WNT16: variants seen among roughly 807,000 people sequenced by gnomAD.
The protein encoded by WNT16 is Wnt family member 16, also known as protein Wnt-16.
In WNT16, 20 loss-of-function variants were observed where a neutral mutation model predicts 35.4. That is an observed-to-expected ratio of 0.56 (90% confidence interval 0.40 to 0.82). WNT16 has a LOEUF of 0.82. WNT16 is among the 40% of genes least tolerant of loss of function. The probability of loss-of-function intolerance (pLI) is 0.00; values close to 1 mark genes in which losing one functional copy is unlikely to be tolerated. For missense variants in WNT16, 461 were observed against 466.0 expected, an observed-to-expected ratio of 0.99 and a Z score of 0.10; for synonymous variants, 180 against 179.2, an observed-to-expected ratio of 1.00 and a Z score of -0.03.
chr7:121,328,213 G>A (rs1793273898), upstream of WNT16, among the ~76,000 whole-genome samples: 1 of 152,114 alleles, frequency 6.6e-6, no homozygotes. Flanking sequence ...AGAAGGGCAG[G>A]GACCCTCCCA....
Position 121,331,777 on chromosome 7 carries a change from G to C in WNT16, c.446G>C (p.Cys149Ser), listed in dbSNP as rs1480252593. 6.2e-7 allele frequency: 1 copy of C among 1,614,218 alleles called. No individual in the cohort carries two copies. The highest frequency in any genetic ancestry group is 2.2e-5 in the East Asian group (1 of 44,890). ...CSAGNMTECS[C>S]DTTLQNGGSA... Reference sequence around the variant, plus strand: ...GCAGGCAACATGACAGAGTGTTCCTGTGACACCACCTTGCAGAACGGCGGC... The same window carrying C: ...GCAGGCAACATGACAGAGTGTTCCTCTGACACCACCTTGCAGAACGGCGGC... Residue 149 changes from cysteine to serine, a missense_variant, in exon 3 of 4, where the codon TGT (cysteine) becomes TCT (serine). Physicochemically the swap from Cys to Ser is moderately radical, Grantham distance 112 (BLOSUM62 -1). Coordinates refer to ENST00000222462, the MANE Select transcript of WNT16 (RefSeq NM_057168.2).
intron 3 of WNT16, among the ~76,000 whole-genome samples, chr7:121,335,845 T>A (rs1366190315): frequency 6.6e-6 from 1 of 152,142 alleles, no homozygotes; most frequent in Non-Finnish European, 1.5e-5. Context: ...ACTTTATTTT[T>A]CTGTAAAATT....
chr7:121,328,523 G>A (rs1440576833), upstream of WNT16, among the ~76,000 whole-genome samples: 1 of 152,186 alleles, frequency 6.6e-6, no homozygotes. Context: ...TCTCCTGACA[G>A]TGGGACCTCA....
intron 3 of WNT16, among the ~76,000 whole-genome samples, chr7:121,336,414 A>T (rs1413979853): frequency 6.6e-6 from 1 of 152,128 alleles, no homozygotes; most frequent in Non-Finnish European, 1.5e-5. Context: ...AATTCCATGT[A>T]TGTATTCAAA....
At chr7:121,336,019 T>TGC (rs1166154287) in intron 3 of WNT16, among the ~76,000 whole-genome samples, 4 of 151,510 alleles carry the variant, frequency 2.6e-5, no homozygotes, top group Non-Finnish European at 5.9e-5. Flanking sequence ...TGTGTGTGTG[T>TGC]GTGTGTGTGT....
upstream of WNT16, among the ~76,000 whole-genome samples, chr7:121,328,620 G>A (rs117483380): frequency 2.7e-3 from 413 of 152,250 alleles, 6 homozygotes; most frequent in East Asian, 0.058. Context: ...AAGAAAAAAA[G>A]GTCAGTGACA....
chr7:121,329,527 T>C (rs1228481520), intron 1 of WNT16, 40 bp from the exon 2 acceptor site: 4 of 1,607,214 alleles, frequency 2.5e-6, no homozygotes, highest in Non-Finnish European at 3.4e-6. Flanking sequence ...CATCTGGAAT[T>C]GGGGAGCGGC....
rs1020367470 is a variant in WNT16, at chr7:121,329,056, C to T, written c.-237C>T. ...GCGCTCCCGCATCTCCTGCACATCTCCACCCCTGCGCAGGAGGAGATCCCC... is the reference window on the plus strand; with the variant it reads ...GCGCTCCCGCATCTCCTGCACATCTTCACCCCTGCGCAGGAGGAGATCCCC... On this transcript the variant is annotated 5_prime_UTR_variant, in exon 1 of 4. Coordinates refer to ENST00000222462, the MANE Select transcript of WNT16 (RefSeq NM_057168.2). 9.2e-5 allele frequency: 116 copies of T among 1,264,292 alleles called. No homozygotes were observed. In the African/African-American group the frequency reaches 1.7e-3, roughly 18 times the overall value. 78.3% of individuals were successfully genotyped at this position (1,264,292 alleles called of 1,614,324 possible).
upstream of WNT16, among the ~76,000 whole-genome samples, chr7:121,326,204 C>A (rs1793242325): frequency 6.6e-6 from 1 of 152,004 alleles, no homozygotes; most frequent in Non-Finnish European, 1.5e-5. Flanking sequence ...GACAGAGAGA[C>A]AAATAAAGAC....
At chr7:121,326,430 C>A (rs959629599), upstream of WNT16, among the ~76,000 whole-genome samples, 1 of 152,170 alleles carries the variant, frequency 6.6e-6, no homozygotes, top group Non-Finnish European at 1.5e-5. Context: ...ACCACTCACG[C>A]CCTAAAATTG....
intron 3 of WNT16, 140 bp downstream of exon 3, chr7:121,332,104 G>T (rs914744587): frequency 2.3e-5 from 23 of 990,674 alleles, no homozygotes; most frequent in Middle Eastern, 6.5e-4. Context: ...AATTAATATT[G>T]TTTTTAAAAG....
At chr7:121,325,495 T>C (rs756310742), upstream of WNT16, 1 of 1,610,448 alleles carries the variant, frequency 6.2e-7, no homozygotes, top group Non-Finnish European at 8.5e-7. Context: ...GTTTTGTTTA[T>C]TTTTGGAGAA....
upstream of WNT16, chr7:121,325,485 GT>G (rs1407321507): frequency 1.9e-6 from 3 of 1,611,128 alleles, no homozygotes; most frequent in African/African-American, 4.0e-5. Context: ...CCTATGGTGG[GT>G]TTTGTTTATT....
upstream of WNT16, among the ~76,000 whole-genome samples, chr7:121,326,038 C>CA (rs386411143): frequency 0.078 from 1,771 of 22,794 alleles, 303 homozygotes; most frequent in African/African-American, 0.16. Flanking sequence ...TACCTCATCT[C>CA]AAAAAAAAAA....
intron 3 of WNT16, among the ~76,000 whole-genome samples, 177 bp from the exon 4 acceptor site, chr7:121,338,704 C>A (rs569376194): frequency 3.1e-4 from 47 of 152,286 alleles, no homozygotes; most frequent in Middle Eastern, 3.4e-3. Flanking sequence ...GGGACAAAAA[C>A]CAAAGGACGA....
intron 3 of WNT16, among the ~76,000 whole-genome samples, chr7:121,332,441 G>A (rs1222168278): frequency 6.6e-6 from 1 of 152,202 alleles, no homozygotes; most frequent in African/African-American, 2.4e-5. Flanking sequence ...CACAATGCCT[G>A]TAGGGTTCAT....
At chr7:121,332,237 C>CGTGT (rs56219125) in intron 3 of WNT16, among the ~76,000 whole-genome samples, 12,750 of 151,294 alleles carry the variant, frequency 0.084, 965 homozygotes, top group African/African-American at 0.2. Context: ...AATAAATATA[C>CGTGT]GTGTGTGTGT....
At position 121,329,352 on chromosome 7, in the gene WNT16, C is replaced by G. The variant is rs1455553794; in HGVS notation, c.60C>G (p.Leu20=). ...ARLCALWAAL[L]VLFPYGAQGN... is the part of the protein sequence containing the mutation. The stretch of plus-strand genomic sequence containing the variant: ...TGTGCGCGCTGTGGGCAGCCCTGCT[C>G]GTGCTGTTCCCCTACGGAGCCCAAG... Residue 20 remains leucine, a synonymous_variant, in exon 1 of 4, where the codon CTC becomes CTG. Coordinates refer to ENST00000222462, the MANE Select transcript of WNT16 (RefSeq NM_057168.2). 5 of 1,607,748 alleles carry G rather than the reference C, an allele frequency of 3.1e-6. No individual in the cohort carries two copies. Among genetic ancestry groups the G allele is most frequent in the South Asian group, 2.2e-5 (2 of 90,182 alleles).
chr7:121,329,915 GCT>G (rs142005327), intron 2 of WNT16, 98 bp downstream of exon 2: 4 of 1,491,802 alleles, frequency 2.7e-6, no homozygotes, highest in Non-Finnish European at 3.6e-6. Context: ...TGGTCCTGTA[GCT>G]CTCTAAGTTC....
Sources: allele counts gnomAD v4.1 joint callset (sites outside exome capture counted in the v4.1 genomes callset), GRCh38; gene constraint gnomAD v4.1.1; transcripts MANE v1.5; gene names NCBI Gene and HGNC (gene_info 2026-07-23, HGNC 2026-07-21).